MYO5B: variants seen among roughly 807,000 people sequenced by gnomAD.
The protein encoded by MYO5B is myosin VB, also known as unconventional myosin-Vb.
Under a neutral mutation model 229.3 loss-of-function variants are expected in MYO5B, and 143 were observed. The ratio of observed to expected loss-of-function variants is 0.62; its 90% CI spans 0.54 to 0.72. The LOEUF is 0.72. MYO5B is among the 30% of genes least tolerant of loss of function. MYO5B has a pLI of 0.00. For missense variants in MYO5B, 2,321 were observed against 2,331.0 expected (o/e 1.00, Z 0.09); for synonymous variants, 918 against 885.2 (o/e 1.04, Z -0.66).
chr18:49,942,999 A>C (rs1332145219), intron 14 of MYO5B, among the ~76,000 whole-genome samples: 1 of 152,110 alleles, frequency 6.6e-6, no homozygotes, highest in Non-Finnish European at 1.5e-5. Context: ...GATTAAGAAA[A>C]TGTGGCACAT....
At chr18:49,974,242 C>T (rs1801339574) in intron 10 of MYO5B, 108 bp downstream of exon 10, 1 of 1,532,368 alleles carries the variant, frequency 6.5e-7, no homozygotes, top group Non-Finnish European at 9.0e-7. Context: ...TTAAACTGCC[C>T]TAAGTTGAGA....
intron 1 of MYO5B, among the ~76,000 whole-genome samples, chr18:50,161,993 G>A (rs759301792): frequency 1.9e-4 from 29 of 152,224 alleles, no homozygotes; most frequent in Non-Finnish European, 3.7e-4. Flanking sequence ...CCACTTTTTT[G>A]TTCATGGAAG....
intron 36 of MYO5B, 123 bp from the exon 37 acceptor site, chr18:49,837,925 A>T: frequency 1.5e-6 from 2 of 1,302,238 alleles, no homozygotes; most frequent in Non-Finnish European, 2.2e-6. Flanking sequence ...TGCAATGTTG[A>T]CATGCTTAGG....
rs535090301 is a variant in MYO5B at position 50,046,173 on chromosome 18, G to A, written c.139-5859C>T. On this transcript the variant is annotated intron_variant, in intron 2 of 39. Transcript: ENST00000285039. ...TTGACCCAGAGGTGGAAATCGCACCGAATAGGAGTCAACCCCTGTATTCAA... is the reference window on the plus strand; with the variant it reads ...TTGACCCAGAGGTGGAAATCGCACCAAATAGGAGTCAACCCCTGTATTCAA... Among the ~76,000 whole-genome samples the A allele has an allele frequency of 1.2e-4, 19 of 152,300 alleles. No individual in the cohort carries two copies. The South Asian group carries it at 3.5e-3, about 28-fold the overall frequency.
At chr18:49,860,151 C>G (rs1238050612) in intron 29 of MYO5B, among the ~76,000 whole-genome samples, 1 of 152,126 alleles carries the variant, frequency 6.6e-6, no homozygotes, top group Non-Finnish European at 1.5e-5. Flanking sequence ...GTTTTACACT[C>G]TTGATAAGGC....
rs537569620 is a variant in MYO5B, at chr18:50,166,256, T to A, written c.27+28511A>T. Among the ~76,000 whole-genome samples, 6 of 152,328 alleles carry A rather than the reference T, an allele frequency of 3.9e-5. No homozygotes were observed. The South Asian group carries it at 1.2e-3, about 32-fold the overall frequency. ...GTAATTGCACCCATTATACAAGCAC[T>A]AAGGTAAACTCATCCTAACCTTGTC... On this transcript the variant is annotated intron_variant, in intron 1 of 39. Transcript: ENST00000285039.
At chr18:50,174,394 CA>C (rs1302718419) in intron 1 of MYO5B, among the ~76,000 whole-genome samples, 5 of 152,156 alleles carry the variant, frequency 3.3e-5, no homozygotes, top group Admixed American at 1.3e-4. Context: ...ACAGCACCAA[CA>C]CCAGGATGTC....
At chr18:49,981,440 A>C (rs73959835) in intron 8 of MYO5B, among the ~76,000 whole-genome samples, 7,200 of 152,334 alleles carry the variant, frequency 0.047, 197 homozygotes, top group Non-Finnish European at 0.064. Context: ...CCATGCTAGG[A>C]TTAAAAAATT....
chr18:50,016,640 CT>C (rs983618734), intron 4 of MYO5B, among the ~76,000 whole-genome samples: 2 of 152,146 alleles, frequency 1.3e-5, no homozygotes, highest in Non-Finnish European at 2.9e-5. Flanking sequence ...GTCACTTTGC[CT>C]TATTTATGGT....
intron 13 of MYO5B, among the ~76,000 whole-genome samples, chr18:49,954,024 ATGTGTGTGTGTGTGTGTGTG>A (rs766610907): frequency 1.8e-4 from 9 of 51,140 alleles, no homozygotes; most frequent in South Asian, 5.8e-4. Flanking sequence ...ATGTATTTAT[ATGTGTGTGTGTGTGTGTGTG>A]TGTGTGTGTG....
In MYO5B at chr18:50,122,526, C is replaced by A. The variant is rs9963945; in HGVS notation, c.28-67148G>T. Among the ~76,000 whole-genome samples, 11 of 140,946 alleles carry A rather than the reference C, an allele frequency of 7.8e-5. No homozygotes were observed. The Middle Eastern group carries it at 0.01, about 134-fold the overall frequency. The allele number at this position is 140,946 out of a possible 152,430, so 92.5% of individuals were successfully genotyped here. On this transcript the variant is annotated intron_variant, in intron 1 of 39. Transcript: ENST00000285039. ...CTTGGGAGACTGAGGCAGGAGAATC[C>A]CTTAAACCTGGGAAGCAGTTTGTGC...
At chr18:49,857,245 C>A (rs2024273668) in intron 29 of MYO5B, among the ~76,000 whole-genome samples, 1 of 152,218 alleles carries the variant, frequency 6.6e-6, no homozygotes, top group African/African-American at 2.4e-5. Flanking sequence ...GAAGCATTCA[C>A]ATAGCCTCAC....
intron 1 of MYO5B, among the ~76,000 whole-genome samples, chr18:50,172,064 G>C (rs1471323238): frequency 3.3e-5 from 5 of 152,090 alleles, no homozygotes; most frequent in Non-Finnish European, 7.4e-5. Context: ...CATTAGGGCA[G>C]AACTCCATGA....
intron 1 of MYO5B, among the ~76,000 whole-genome samples, chr18:50,155,632 G>C (rs1013165376): frequency 6.6e-6 from 1 of 152,238 alleles, no homozygotes; most frequent in African/African-American, 2.4e-5. Context: ...AGGCAAGTGA[G>C]TTGTTTCATG....
chr18:50,008,683 G>A (rs1402013701), intron 4 of MYO5B, among the ~76,000 whole-genome samples: 3 of 152,200 alleles, frequency 2.0e-5, no homozygotes, highest in Admixed American at 6.5e-5. Flanking sequence ...AAAACAGGAA[G>A]AAGGGGAAGC....
chr18:50,128,839 C>T (rs1468063962), intron 1 of MYO5B, among the ~76,000 whole-genome samples: 1 of 152,150 alleles, frequency 6.6e-6, no homozygotes, highest in Non-Finnish European at 1.5e-5. Flanking sequence ...AGGAAGTGGC[C>T]CAGTGAGAAG....
chr18:50,012,273 T>A (rs181947914), intron 4 of MYO5B, among the ~76,000 whole-genome samples: 262 of 152,346 alleles, frequency 1.7e-3, no homozygotes, highest in African/African-American at 5.9e-3. Flanking sequence ...GTTCAGGAAC[T>A]GGCAGCAATT....
chr18:50,180,386 G>A (rs2033056095), intron 1 of MYO5B, among the ~76,000 whole-genome samples: 1 of 152,192 alleles, frequency 6.6e-6, no homozygotes, highest in Admixed American at 6.5e-5. Flanking sequence ...CTGGTTTACA[G>A]ATAACTGAAG....
At chr18:50,087,332 G>A (rs1338335619) in intron 1 of MYO5B, among the ~76,000 whole-genome samples, 5 of 152,180 alleles carry the variant, frequency 3.3e-5, no homozygotes, top group Non-Finnish European at 7.3e-5. Context: ...AGCATTTTGG[G>A]AGGCCGAGGC....
Sources: allele counts gnomAD v4.1 joint callset (sites outside exome capture counted in the v4.1 genomes callset), GRCh38; gene constraint gnomAD v4.1.1; transcripts MANE v1.5; gene names NCBI Gene and HGNC (gene_info 2026-07-23, HGNC 2026-07-21).